Variants in PRELID2 observed in about 807,000 individuals in gnomAD.
PRELID2 encodes the protein PRELI domain containing 2.
A neutral mutation model predicts 28.4 loss-of-function variants in PRELID2; 25 were observed. That is an observed-to-expected ratio of 0.88 (90% confidence interval 0.64 to 1.23). PRELID2 has a LOEUF of 1.23. Among genes scored for constraint, PRELID2 ranks in the 50% most tolerant of loss-of-function variants. The probability of loss-of-function intolerance (pLI) is 0.00; values close to 1 mark genes in which losing one functional copy is unlikely to be tolerated. For missense variants in PRELID2, 201 were observed against 214.4 expected, an observed-to-expected ratio of 0.94 and a Z score of 0.39; for synonymous variants, 76 against 71.6, an observed-to-expected ratio of 1.06 and a Z score of -0.31.
At chr5:145,229,832 C>T in the PRELID2 span, 1 of 760,400 alleles carries the variant, frequency 1.3e-6, no homozygotes, top group Non-Finnish European at 2.4e-6. Context: ...CCTGCATCGC[C>T]AAGTCCCAGG....
chr5:145,774,533 T>C (rs1356863864), intron 5 of PRELID2, among the ~76,000 whole-genome samples: 1 of 152,226 alleles, frequency 6.6e-6, no homozygotes, highest in Non-Finnish European at 1.5e-5. Flanking sequence ...ATATATGGAC[T>C]CTATCTGACT....
rs375089383 is a variant in PRELID2, at chr5:145,764,307, T to A, written c.*10+624A>T. Among the ~76,000 whole-genome samples the A allele has an allele frequency of 5.3e-5, 8 of 152,304 alleles. 1 individual carries two copies. Among genetic ancestry groups the A allele is most frequent in the African/African-American group, 1.9e-4 (8 of 41,570 alleles). ...AATCCCCCACTATCTGTTAACCCTA[T>A]ACCATTTGCCCTAAACTAGATGTGG... is the stretch of plus-strand genomic sequence containing the variant. On this transcript the variant is annotated intron_variant, in intron 6 of 6. Transcript: ENST00000683046.
At chr5:145,570,583 A>G (rs541015344) in intron 1 of PRELID2, among the ~76,000 whole-genome samples, 1 of 152,304 alleles carries the variant, frequency 6.6e-6, no homozygotes, top group East Asian at 1.9e-4. Context: ...TTTCCTCTGT[A>G]TCAGATCTCA....
chr5:145,663,493 T>G (rs1285468056), intron 1 of PRELID2, among the ~76,000 whole-genome samples: 1 of 152,162 alleles, frequency 6.6e-6, no homozygotes, highest in African/African-American at 2.4e-5. Context: ...GAGGGAAGCT[T>G]CACGGAGGAA....
chr5:145,453,514 G>T, the PRELID2 span, among the ~76,000 whole-genome samples: 1 of 152,072 alleles, frequency 6.6e-6, no homozygotes, highest in Admixed American at 6.6e-5. Context: ...TGCAGAACGT[G>T]CAGGTTTGTT....
chr5:145,532,910 G>A (rs1434490526), intron 1 of PRELID2, among the ~76,000 whole-genome samples: 1 of 152,014 alleles, frequency 6.6e-6, no homozygotes, highest in Non-Finnish European at 1.5e-5. Flanking sequence ...TTTGAATAAT[G>A]GTGCATTAAA....
the PRELID2 span, among the ~76,000 whole-genome samples, chr5:145,286,713 TTTGTTTG>T: frequency 9.4e-5 from 6 of 63,918 alleles, no homozygotes; most frequent in African/African-American, 4.1e-4. Flanking sequence ...TTTTTTTTTG[TTTGTTTG>T]TTTGTTTTTT....
intron 1 of PRELID2, among the ~76,000 whole-genome samples, chr5:145,689,702 T>C (rs960163401): frequency 6.6e-6 from 1 of 152,046 alleles, no homozygotes; most frequent in Non-Finnish European, 1.5e-5. Context: ...AAAAAGGAGA[T>C]GAAGCCCACC....
the PRELID2 span, among the ~76,000 whole-genome samples, chr5:145,350,508 T>C: frequency 2.0e-5 from 3 of 152,046 alleles, no homozygotes; most frequent in Non-Finnish European, 4.4e-5. Context: ...AGGTTGAGAG[T>C]TGATTGAGGC....
intron 1 of PRELID2, among the ~76,000 whole-genome samples, chr5:145,544,207 A>T (rs943114022): frequency 1.3e-5 from 2 of 152,010 alleles, no homozygotes; most frequent in Admixed American, 1.3e-4. Context: ...TATGATAAGG[A>T]CCCATTAAGT....
chr5:145,559,638 T>G (rs1008555219), intron 1 of PRELID2, among the ~76,000 whole-genome samples: 1 of 152,154 alleles, frequency 6.6e-6, no homozygotes, highest in African/African-American at 2.4e-5. Context: ...AAGAAAAGTC[T>G]GGCTCTAGCA....
the PRELID2 span, among the ~76,000 whole-genome samples, chr5:145,306,954 C>A: frequency 1.3e-5 from 2 of 152,140 alleles, no homozygotes; most frequent in African/African-American, 2.4e-5. Context: ...ATAGGAGATA[C>A]AACTACTTTT....
chr5:145,571,495 G>T (rs57211567), intron 1 of PRELID2, among the ~76,000 whole-genome samples: 4,901 of 152,174 alleles, frequency 0.032, 246 homozygotes, highest in African/African-American at 0.11. Context: ...AGCAGGCAAT[G>T]AAAGAAATTA....
intron 1 of PRELID2, among the ~76,000 whole-genome samples, chr5:145,557,358 T>C (rs1458543019): frequency 3.9e-5 from 6 of 152,230 alleles, no homozygotes; most frequent in African/African-American, 1.4e-4. Flanking sequence ...GTTGGGACTT[T>C]GTTAGGTTAT....
chr5:145,729,124 C>T, intron 1 of PRELID2: 1 of 590,124 alleles, frequency 1.7e-6, no homozygotes, highest in Non-Finnish European at 3.0e-6. Flanking sequence ...TTTCCGAGTA[C>T]TCAGCTTTCC....
the PRELID2 span, chr5:145,381,446 G>A: frequency 6.6e-6 from 1 of 152,168 alleles, no homozygotes; most frequent in African/African-American, 2.4e-5. Context: ...ACCACAATTA[G>A]TTTTTCACCA....
intron 4 of PRELID2, among the ~76,000 whole-genome samples, chr5:145,812,326 AC>A (rs1754010077): frequency 6.6e-6 from 1 of 152,192 alleles, no homozygotes; most frequent in Non-Finnish European, 1.5e-5. Flanking sequence ...CTATGGAAAT[AC>A]TGCCCACTTG....
chr5:145,830,130 C>T (rs1228161313), intron 1 of PRELID2, among the ~76,000 whole-genome samples: 1 of 152,188 alleles, frequency 6.6e-6, no homozygotes, highest in Non-Finnish European at 1.5e-5. Context: ...TTCATTCATT[C>T]ATTCAGCAAG....
At chr5:145,749,980 G>C (rs910579234) in intron 1 of PRELID2, among the ~76,000 whole-genome samples, 1 of 151,822 alleles carries the variant, frequency 6.6e-6, no homozygotes, top group African/African-American at 2.4e-5. Flanking sequence ...GGGGGGCAAG[G>C]GGAGGGAACT....
Sources: allele counts gnomAD v4.1 joint callset (sites outside exome capture counted in the v4.1 genomes callset), GRCh38; gene constraint gnomAD v4.1.1; transcripts MANE v1.5; gene names NCBI Gene and HGNC (gene_info 2026-07-23, HGNC 2026-07-21).